SYNE2: variants seen among roughly 807,000 people sequenced by gnomAD.
SYNE2 encodes the protein nesprin-2.
In SYNE2, 431 loss-of-function variants were observed where a neutral mutation model predicts 856.3. The ratio of observed to expected loss-of-function variants is 0.50; its 90% CI spans 0.47 to 0.55. The LOEUF is 0.55. Among genes scored for constraint, SYNE2 ranks in the 20% least tolerant of loss-of-function variants. The pLI, the probability that SYNE2 is intolerant of heterozygous loss-of-function variation, is 0.00. For synonymous variants in SYNE2, 2,923 were observed against 2,872.3 expected (o/e 1.02, Z -0.56); for missense variants, 8,129 against 8,023.2 (o/e 1.01, Z -0.50).
intron 76 of SYNE2, among the ~76,000 whole-genome samples, chr14:64,131,154 A>G (rs1280290610): frequency 3.3e-5 from 5 of 152,196 alleles, no homozygotes; most frequent in African/African-American, 1.2e-4. Flanking sequence ...TAAATATTGT[A>G]TGAAGGATGG....
At chr14:63,895,393 G>A (rs2095230692) in intron 1 of SYNE2, among the ~76,000 whole-genome samples, 2 of 151,772 alleles carry the variant, frequency 1.3e-5, no homozygotes, top group Non-Finnish European at 2.9e-5. Context: ...ACAGGCGTGA[G>A]CCACTGCACC....
chr14:63,911,175 TG>T lies in SYNE2; in HGVS notation c.79+1949del, dbSNP rs149595672. On this transcript the variant is annotated intron_variant, in intron 2 of 115. Coordinates refer to ENST00000555002, the MANE Select transcript of SYNE2 (RefSeq NM_182914.3). ...ATATTCTCCCTGGTCCGCCAGCCTG[TG>T]TGCTTTCATTCAGATTGTTTCCCTT... 5.2e-3 allele frequency among the ~76,000 whole-genome samples: 798 copies of T among 152,252 alleles called. 5 individuals carry two copies. The highest frequency in any genetic ancestry group is 4.8e-3 in the Non-Finnish European group (325 of 68,014).
At position 64,209,962 on chromosome 14, in the gene SYNE2, T is replaced by C. The variant is rs1456196162; in HGVS notation, c.18561T>C (p.His6187=). The change falls in exon 103 of 116, where the codon CAT becomes CAC. Residue 6187 remains histidine (H), a synonymous_variant. Transcript: ENST00000555002. ...TGCAGGCCTTTCAGCGGCAGATTCA[T>C]GAGCGGCTCACTCAGCTGGAGCTCA... ...KRFEAFQRQI[H]ERLTQLELIN... The C allele has an allele frequency of 9.3e-6, 15 of 1,614,106 alleles. No individual in the cohort carries two copies. The highest frequency in any genetic ancestry group is 1.1e-5 in the Non-Finnish European group (13 of 1,180,014).
At chr14:64,023,922 T>G (rs1281634445) in intron 38 of SYNE2, 3 of 299,820 alleles carry the variant, frequency 1.0e-5, no homozygotes, top group Non-Finnish European at 1.3e-5. Context: ...AACGTAAACA[T>G]TGAGATAAAA....
At chr14:64,027,461 A>G (rs373637606) in intron 42 of SYNE2, 23 bp from the exon 43 acceptor site, 4 of 1,491,534 alleles carry the variant, frequency 2.7e-6, no homozygotes, top group Admixed American at 1.9e-5. Context: ...CATTTAATTT[A>G]TAAAATATTT....
chr14:63,836,818 C>A (rs1184610137), intron 1 of SYNE2, among the ~76,000 whole-genome samples: 1 of 152,192 alleles, frequency 6.6e-6, no homozygotes, highest in Admixed American at 6.5e-5. Flanking sequence ...AGATAATATT[C>A]TTCCTCTGCT....
chr14:64,143,947 A>G lies in SYNE2; in HGVS notation c.15482A>G (p.Lys5161Arg), dbSNP rs2098161248. The G allele has an allele frequency of 5.6e-6, 9 of 1,614,022 alleles. No individual in the cohort carries two copies. The highest frequency in any genetic ancestry group is 7.6e-6 in the Non-Finnish European group (9 of 1,180,006). ...WHRVHGMLNR[K>R]IQHLEQLLES... is the part of the protein sequence containing the mutation. ...CGTGTACATGGAATGCTGAATAGAAAGGTGTGTTCCTGCGTCACAACTGGA... is the reference window on the plus strand; with the variant it reads ...CGTGTACATGGAATGCTGAATAGAAGGGTGTGTTCCTGCGTCACAACTGGA... The change falls in exon 83 of 116, where the codon AAG becomes AGG. Residue 5161 changes from lysine (K) to arginine (R), a missense_variant and splice_region_variant. Around this residue, in one of 3 missense-constraint regions of SYNE2, gnomAD observed 5,410 missense variants for 5,284.8 expected, o/e 1.02. Coordinates refer to ENST00000555002, the MANE Select transcript of SYNE2 (RefSeq NM_182914.3).
intron 1 of SYNE2, among the ~76,000 whole-genome samples, chr14:63,893,113 C>G (rs896688388): frequency 1.3e-5 from 2 of 151,800 alleles, no homozygotes; most frequent in Non-Finnish European, 2.9e-5. Flanking sequence ...TTATATGATT[C>G]TTATTTTTAG....
At chr14:64,042,558 G>A (rs2097156918) in intron 45 of SYNE2, among the ~76,000 whole-genome samples, 1 of 152,080 alleles carries the variant, frequency 6.6e-6, no homozygotes, top group Non-Finnish European at 1.5e-5. Context: ...TGAATTATGG[G>A]GGCAGGTCTT....
intron 1 of SYNE2, among the ~76,000 whole-genome samples, chr14:63,807,547 CTT>C (rs1212379174): frequency 2.0e-5 from 3 of 151,716 alleles, no homozygotes; most frequent in African/African-American, 7.2e-5. Flanking sequence ...TTAAAATCAG[CTT>C]TGTTATTAAT....
chr14:64,223,111 T>G, intron 112 of SYNE2, 78 bp from the exon 113 acceptor site: 1 of 1,496,482 alleles, frequency 6.7e-7, no homozygotes, highest in Non-Finnish European at 9.3e-7. Flanking sequence ...ATTTTTCTGG[T>G]ACTGAGAAAA....
chr14:63,953,290 A>T (rs1353798782), intron 7 of SYNE2, among the ~76,000 whole-genome samples: 1 of 152,078 alleles, frequency 6.6e-6, no homozygotes, highest in African/African-American at 2.4e-5. Context: ...CTTTAAGCTG[A>T]CTCCTCAAGT....
intron 12 of SYNE2, among the ~76,000 whole-genome samples, chr14:63,977,404 G>A (rs771731909): frequency 1.3e-5 from 2 of 152,002 alleles, no homozygotes; most frequent in Non-Finnish European, 2.9e-5. Context: ...AGTAGAGATG[G>A]GGTTTCACCG....
intron 45 of SYNE2, among the ~76,000 whole-genome samples, chr14:64,034,919 AT>A (rs766231782): frequency 3.3e-5 from 5 of 150,732 alleles, no homozygotes; most frequent in African/African-American, 7.3e-5. Context: ...AAACTCATAC[AT>A]TTTCTAATTT....
At chr14:64,131,960 G>A (rs2098026449) in intron 76 of SYNE2, among the ~76,000 whole-genome samples, 1 of 151,830 alleles carries the variant, frequency 6.6e-6, no homozygotes, top group Non-Finnish European at 1.5e-5. Context: ...TTGAGAGGGA[G>A]TCTTGCTCTG....
intron 94 of SYNE2, chr14:64,174,040 TA>T: frequency 1.7e-6 from 1 of 598,344 alleles, no homozygotes. Flanking sequence ...TAGAAAAAAA[TA>T]AAAATAAACA....
intron 95 of SYNE2, among the ~76,000 whole-genome samples, chr14:64,175,951 G>A (rs1595998190): frequency 6.6e-6 from 1 of 152,232 alleles, no homozygotes; most frequent in African/African-American, 2.4e-5. Flanking sequence ...CATCTGCCAT[G>A]TTTGTGAAGC....
intron 6 of SYNE2, among the ~76,000 whole-genome samples, chr14:63,944,041 T>C (rs1436887932): frequency 6.7e-6 from 1 of 150,232 alleles, no homozygotes; most frequent in Non-Finnish European, 1.5e-5. Flanking sequence ...CATGGTCATT[T>C]ATTATTTTTT....
intron 48 of SYNE2, among the ~76,000 whole-genome samples, chr14:64,054,290 T>C (rs549636540): frequency 2.0e-5 from 3 of 152,356 alleles, no homozygotes; most frequent in South Asian, 4.1e-4. Context: ...TAGTAAGATA[T>C]AATGGAAGAA....
Sources: allele counts gnomAD v4.1 joint callset (sites outside exome capture counted in the v4.1 genomes callset), GRCh38; gene constraint gnomAD v4.1.1; regional missense constraint gnomAD v4.1.1; transcripts MANE v1.5; gene names NCBI Gene and HGNC (gene_info 2026-07-23, HGNC 2026-07-21).